The following SNX13 variants were observed in gnomAD, a reference collection of about 807,000 sequenced individuals.
The protein encoded by SNX13 is sorting nexin-13.
SNX13 carries 45 observed loss-of-function variants against 133.6 expected under a neutral mutation model. The observed-to-expected ratio is 0.34, with a 90% CI of 0.27 to 0.43. The LOEUF (loss-of-function observed/expected upper bound fraction) is 0.43, where lower values mean the gene tolerates loss of function less well. Among genes scored for constraint, SNX13 ranks in the 20% least tolerant of loss-of-function variants. The probability of loss-of-function intolerance (pLI) is 1.00; values close to 1 mark genes in which losing one functional copy is unlikely to be tolerated. For missense variants in SNX13, 1,032 were observed against 1,145.1 expected (o/e 0.90, Z 1.43); for synonymous variants, 414 against 373.9 (o/e 1.11, Z -1.24).
chr7:17,934,937 AAATT>A (rs1270662277), intron 1 of SNX13, among the ~76,000 whole-genome samples: 3 of 152,366 alleles, frequency 2.0e-5, no homozygotes, highest in African/African-American at 7.2e-5. Context: ...GTAGAAATGC[AAATT>A]AATACAAACA....
intron 20 of SNX13, among the ~76,000 whole-genome samples, chr7:17,805,265 G>GCGCGCGCGCGCGCTCA (rs771908159): frequency 6.8e-6 from 1 of 146,004 alleles, no homozygotes; most frequent in Admixed American, 6.8e-5. Flanking sequence ...GCGCGCGCGC[G>GCGCGCGCGCGCGCTCA]CATGCATGCA....
intron 9 of SNX13, among the ~76,000 whole-genome samples, chr7:17,867,689 CAAGT>C (rs1793567395): frequency 6.6e-6 from 1 of 151,450 alleles, no homozygotes; most frequent in Admixed American, 6.6e-5. Flanking sequence ...AAAGAACAAT[CAAGT>C]AATTCTTTCT....
At chr7:17,831,636 G>A (rs1788500997) in intron 15 of SNX13, 13 of 983,886 alleles carry the variant, frequency 1.3e-5, no homozygotes, top group Middle Eastern at 5.2e-4. Flanking sequence ...CTCAAATGTA[G>A]ACTACTTTAA....
Position 17,845,626 on chromosome 7 carries a change from A to G in SNX13, c.1134T>C (p.Leu378=), listed in dbSNP as rs779677883. ...KLCTVPLDSI[L]VDNVALQFFM... ...AAAATTGTAGTGCAACATTGTCTAC[A>G]AGAATGCTGTCCAGGGGGACTGTGC... The change falls in exon 12 of 26, where the codon CTT becomes CTC. Residue 378 remains leucine, a synonymous_variant. Coordinates refer to ENST00000428135, the MANE Select transcript of SNX13 (RefSeq NM_015132.5). The G allele has an allele frequency of 4.9e-5, 79 of 1,602,408 alleles. No individual in the cohort carries two copies. Among genetic ancestry groups the G allele is most frequent in the Non-Finnish European group, 6.2e-5 (73 of 1,174,862 alleles).
At chr7:17,827,352 A>G (rs1524774) in intron 16 of SNX13, among the ~76,000 whole-genome samples, 85,115 of 151,680 alleles carry the variant, frequency 0.56, 24,389 homozygotes, top group East Asian at 0.72. Context: ...TAACTCAGAT[A>G]TATTTCACAC....
At chr7:17,832,603 CTA>C (rs1162379105) in intron 15 of SNX13, 24 of 434,804 alleles carry the variant, frequency 5.5e-5, no homozygotes, top group African/African-American at 5.2e-4. Flanking sequence ...CATAGCATCT[CTA>C]TAAAAGAACA....
chr7:17,868,447 A>T lies in SNX13; in HGVS notation c.797T>A (p.Leu266His), dbSNP rs755628139. 6.2e-7 allele frequency: 1 copy of T among 1,610,304 alleles called. No homozygotes were observed. Among genetic ancestry groups the T allele is most frequent in the Admixed American group, 1.7e-5 (1 of 59,496 alleles). ...RGILLPLINQ[L>H]SDPDYINQYV... ...CTGATTAATATAATCAGGATCACTG[A>T]GTTGATTTATTAATGGAAGAAGAAT... The change falls in exon 9 of 26, where the codon CTC (leucine) becomes CAC (histidine). Residue 266 changes from leucine (L) to histidine (H), a missense_variant. Transcript: ENST00000428135.
chr7:17,846,397 C>T (rs996099161), intron 11 of SNX13, among the ~76,000 whole-genome samples: 3 of 152,054 alleles, frequency 2.0e-5, no homozygotes, highest in Non-Finnish European at 4.4e-5. Flanking sequence ...ACAAGGAAAA[C>T]GAAGATGAAA....
In SNX13 at chr7:17,854,643, T is replaced by C. The variant is rs187668941; in HGVS notation, c.838-3679A>G. 3.7e-3 allele frequency among the ~76,000 whole-genome samples: 562 copies of C among 152,344 alleles called. 5 individuals are homozygous for C. Among genetic ancestry groups the C allele is most frequent in the African/African-American group, 0.013 (537 of 41,578 alleles). ...CTATGGTGATCAGTGATCTTTGATATTATTGTTTTGGTGCACTACAAAACA... is the reference window on the plus strand; with the variant it reads ...CTATGGTGATCAGTGATCTTTGATACTATTGTTTTGGTGCACTACAAAACA... On this transcript the variant is annotated intron_variant, in intron 9 of 25. Transcript: ENST00000428135.
At chr7:17,881,128 A>G in intron 5 of SNX13, 1 of 152,166 alleles carries the variant, frequency 6.6e-6, no homozygotes, top group South Asian at 2.1e-4. Context: ...CTGATGCCAC[A>G]TTAGTTTTTC....
chr7:17,799,632 C>G (rs1248196942), intron 22 of SNX13, among the ~76,000 whole-genome samples: 2 of 151,678 alleles, frequency 1.3e-5, no homozygotes. Flanking sequence ...TATGTACTTT[C>G]AGGAAAAAGA....
intron 12 of SNX13, 76 bp downstream of exon 12, chr7:17,845,519 T>G (rs1790411385): frequency 1.1e-6 from 1 of 882,772 alleles, no homozygotes; most frequent in Admixed American, 3.0e-5. Context: ...ATACTAAATT[T>G]TATGTGTATT....
chr7:17,863,737 A>T (rs1156341370), intron 9 of SNX13, among the ~76,000 whole-genome samples: 1 of 152,230 alleles, frequency 6.6e-6, no homozygotes, highest in Non-Finnish European at 1.5e-5. Flanking sequence ...GCAAGGTTTG[A>T]GGTGCAACTC....
chr7:17,836,443 G>C (rs951694125), intron 13 of SNX13, among the ~76,000 whole-genome samples: 1 of 152,004 alleles, frequency 6.6e-6, no homozygotes, highest in Non-Finnish European at 1.5e-5. Flanking sequence ...CCTGAACCTG[G>C]GATGCAAAGG....
At chr7:17,904,955 T>C (rs995762396) in intron 1 of SNX13, among the ~76,000 whole-genome samples, 4 of 151,938 alleles carry the variant, frequency 2.6e-5, no homozygotes, top group African/African-American at 9.7e-5. Context: ...GCTCATTAAG[T>C]ATGAAAATTA....
chr7:17,796,897 T>C lies in SNX13; in HGVS notation c.2556A>G (p.Pro852=), dbSNP rs373460077. The C allele has an allele frequency of 3.2e-4, 518 of 1,611,172 alleles. 1 individual carries two copies. Among genetic ancestry groups the C allele is most frequent in the Non-Finnish European group, 3.0e-4 (350 of 1,178,158 alleles). The change falls in exon 25 of 26, where the codon CCA becomes CCG. Residue 852 remains proline (P), a synonymous_variant. Transcript: ENST00000428135. ...WPNGILAEAV[P]CRDKSIRMRT... ...TCATTCGAATACTTTTATCTCTGCA[T>C]GGAACAGCCTCTGCTAAAATGCCAT...
chr7:17,933,414 G>A (rs1028607350), intron 1 of SNX13, among the ~76,000 whole-genome samples: 16 of 152,006 alleles, frequency 1.1e-4, no homozygotes, highest in African/African-American at 2.4e-4. Context: ...GTGCTGGCAC[G>A]CGCCTGTAGT....
At chr7:17,879,460 G>C (rs967570950) in intron 5 of SNX13, 1 of 152,206 alleles carries the variant, frequency 6.6e-6, no homozygotes, top group Non-Finnish European at 1.5e-5. Context: ...TTGATTTATT[G>C]ATTCCTTTTT....
At chr7:17,927,014 C>A (rs898276517) in intron 1 of SNX13, among the ~76,000 whole-genome samples, 2 of 151,876 alleles carry the variant, frequency 1.3e-5, no homozygotes, top group Admixed American at 1.3e-4. Context: ...TCAAAGAAAT[C>A]CAAAATTTTA....
Sources: allele counts gnomAD v4.1 joint callset (sites outside exome capture counted in the v4.1 genomes callset), GRCh38; gene constraint gnomAD v4.1.1; transcripts MANE v1.5; gene names NCBI Gene and HGNC (gene_info 2026-07-23, HGNC 2026-07-21).